Variants in SEZ6L2 observed in about 807,000 individuals in gnomAD.
SEZ6L2 encodes seizure related 6 homolog like 2.
A neutral mutation model predicts 97.0 loss-of-function variants in SEZ6L2; 44 were observed. That is an observed-to-expected ratio of 0.45 (90% CI 0.36 to 0.58). SEZ6L2 has a LOEUF of 0.58. Ranked by LOEUF, SEZ6L2 falls within the 20% of genes least tolerant of loss-of-function variation. The pLI is 0.00. For synonymous variants in SEZ6L2, 543 were observed against 546.1 expected, an observed-to-expected ratio of 0.99 and a Z score of 0.08; for missense variants, 1,086 against 1,233.3, an observed-to-expected ratio of 0.88 and a Z score of 1.79.
chr16:29,872,817 G>T, intron 14 of SEZ6L2, 74 bp from the exon 15 acceptor site: 1 of 1,268,382 alleles, frequency 7.9e-7, no homozygotes, highest in Non-Finnish European at 1.1e-6. Context: ...CCGGGAGCCC[G>T]GTGGGGCTGG....
chr16:29,874,874 A>G (rs1048499756), intron 12 of SEZ6L2, among the ~76,000 whole-genome samples: 22 of 151,616 alleles, frequency 1.5e-4, no homozygotes, highest in African/African-American at 5.1e-4. Flanking sequence ...GCTGGCCCCA[A>G]ATATAATTCT....
Position 29,872,394 on chromosome 16 carries a change from A to G in SEZ6L2, c.2645+15T>C, listed in dbSNP as rs1464245766. 1.9e-6 allele frequency: 3 copies of G among 1,612,810 alleles called. No homozygotes were observed. Among genetic ancestry groups the G allele is most frequent in the African/African-American group, 1.3e-5 (1 of 75,014 alleles). The stretch of plus-strand genomic sequence containing the variant: ...ACGTCTGCCCTGGCCGGCAGTCCCC[A>G]AGCAGGCTACTTACTTGGTGTAGTA... On this transcript the variant is annotated intron_variant, in intron 16 of 17. Transcript: ENST00000617533.
chr16:29,871,495 A>G lies in SEZ6L2; in HGVS notation c.*204T>C, dbSNP rs905680582. The G allele has an allele frequency of 3.2e-6, 2 of 626,210 alleles. No homozygotes were observed. The highest frequency in any genetic ancestry group is 5.3e-5 in the Admixed American group (2 of 38,084). 38.8% of individuals were successfully genotyped at this position (626,210 alleles called of 1,614,324 possible). On this transcript the variant is annotated 3_prime_UTR_variant, in exon 18 of 18. Transcript: ENST00000617533. ...GGGCAGGCCCCTCGTTTGGCAACTG[A>G]GAAGAGGCGGCTTTGGGCGGCAGGA...
Position 29,880,010 on chromosome 16 carries a change from G to A in SEZ6L2, c.1427C>T (p.Thr476Ile). The A allele has an allele frequency of 6.2e-7, 1 of 1,614,188 alleles. No individual in the cohort carries two copies. Among genetic ancestry groups the A allele is most frequent in the Non-Finnish European group, 8.5e-7 (1 of 1,180,032 alleles). ...APFLAHGNVT[T>I]TDPEYRPGAL... ...CCCTGGGCGATACTCAGGGTCCGTG[G>A]TAGTGACATTTCCATGTGCCAGGAA... The change falls in exon 9 of 18, where the codon ACC (threonine) becomes ATC (isoleucine). Residue 476 changes from threonine (T) to isoleucine (I), a missense_variant. Physicochemically the swap from Thr to Ile is moderately conservative, Grantham distance 89. Around this residue, in one of 2 missense-constraint regions of SEZ6L2, gnomAD observed 776 missense variants for 794.7 expected, o/e 0.98. Coordinates refer to ENST00000617533, the MANE Select transcript of SEZ6L2 (RefSeq NM_001243332.2).
chr16:29,875,517 C>T (rs960394886), intron 12 of SEZ6L2, among the ~76,000 whole-genome samples: 3 of 152,162 alleles, frequency 2.0e-5, no homozygotes, highest in African/African-American at 7.2e-5. Flanking sequence ...CTACCTGAAG[C>T]TTCTCCCCTT....
chr16:29,877,592 T>C, intron 10 of SEZ6L2, 125 bp from the exon 11 acceptor site: 1 of 900,270 alleles, frequency 1.1e-6, no homozygotes, highest in Non-Finnish European at 1.6e-6. Flanking sequence ...CATATTCTCC[T>C]ATCCCAGGTC....
At chr16:29,898,114 G>T in intron 1 of SEZ6L2, 130 bp from the exon 2 acceptor site, 1 of 1,342,576 alleles carries the variant, frequency 7.4e-7, no homozygotes, top group Non-Finnish European at 1.0e-6. Flanking sequence ...TCCCAGGCTC[G>T]ACTGAGGGCC....
chr16:29,890,947 A>G (rs1254234959), intron 5 of SEZ6L2, among the ~76,000 whole-genome samples: 1 of 148,248 alleles, frequency 6.7e-6, no homozygotes, highest in East Asian at 2.0e-4. Flanking sequence ...TTATTTTATT[A>G]TTATTATTTT....
At chr16:29,898,076 TCAGCTGGGC>T in intron 1 of SEZ6L2, 92 bp from the exon 2 acceptor site, 1 of 1,560,782 alleles carries the variant, frequency 6.4e-7, no homozygotes, top group Non-Finnish European at 8.7e-7. Flanking sequence ...CCCTCCTCCA[TCAGCTGGGC>T]CTGCAGGGGC....
intron 8 of SEZ6L2, among the ~76,000 whole-genome samples, chr16:29,881,226 T>C (rs1241704917): frequency 6.6e-6 from 1 of 152,152 alleles, no homozygotes; most frequent in Non-Finnish European, 1.5e-5. Context: ...GCCACCATTC[T>C]ACAGAGCGGA....
In SEZ6L2 at chr16:29,877,506, A is replaced by G. The variant is rs779696604; in HGVS notation, c.1713-39T>C. The G allele has an allele frequency of 3.3e-6, 5 of 1,528,080 alleles. No individual in the cohort carries two copies. The Admixed American group carries it at 9.5e-5, about 29-fold the overall frequency. 94.7% of individuals were successfully genotyped at this position (1,528,080 alleles called of 1,614,324 possible). A position where few individuals can be genotyped will look rare whatever the true frequency, so the allele number is the denominator to read the frequency against. ...GACCAGGCAATGGGGCGGGGCTGCG[A>G]CTGGCCCCTCCCATCCAGCTCTGCC... On this transcript the variant is annotated intron_variant, in intron 10 of 17. Transcript: ENST00000617533.
At chr16:29,884,259 CAGGAAATATATG>C (rs2068086415) in intron 8 of SEZ6L2, among the ~76,000 whole-genome samples, 1 of 152,122 alleles carries the variant, frequency 6.6e-6, no homozygotes, top group Non-Finnish European at 1.5e-5. Flanking sequence ...GCTGAGCTCT[CAGGAAATATATG>C]AGTGTTCTCT....
chr16:29,897,703 C>T (rs2068435424), intron 2 of SEZ6L2, 150 bp downstream of exon 2: 8 of 948,300 alleles, frequency 8.4e-6, no homozygotes, highest in Admixed American at 2.7e-5. Context: ...CTGACAGTCT[C>T]GTTCTGTGTT....
At chr16:29,872,860 C>T (rs1343778084) in intron 14 of SEZ6L2, 117 bp from the exon 15 acceptor site, 1 of 796,844 alleles carries the variant, frequency 1.3e-6, no homozygotes, top group Non-Finnish European at 2.0e-6. Flanking sequence ...GCCCTCTGCT[C>T]AACCTCAACT....
intron 8 of SEZ6L2, among the ~76,000 whole-genome samples, chr16:29,884,048 G>A (rs909141336): frequency 6.6e-6 from 1 of 151,758 alleles, no homozygotes; most frequent in Non-Finnish European, 1.5e-5. Context: ...TCTTCTTCTG[G>A]TAACGGCATC....
Position 29,871,575 on chromosome 16 carries a change from A to C in SEZ6L2, c.*124T>G. The C allele has an allele frequency of 1.1e-6, 1 of 942,590 alleles. No individual in the cohort carries two copies. Among genetic ancestry groups the C allele is most frequent in the South Asian group, 1.4e-5 (1 of 71,842 alleles). The allele number at this position is 942,590 out of a possible 1,614,324, so 58.4% of individuals were successfully genotyped here. A position where few individuals can be genotyped will look rare whatever the true frequency, so the allele number is the denominator to read the frequency against. Reference sequence around the variant, plus strand: ...GGCCATCAAAGCCCCCTCGTGGGATAGGGAGACTATTTACACAGCCAGGGA... The same window carrying C: ...GGCCATCAAAGCCCCCTCGTGGGATCGGGAGACTATTTACACAGCCAGGGA... On this transcript the variant is annotated 3_prime_UTR_variant, in exon 18 of 18. Transcript: ENST00000617533.
chr16:29,875,054 T>A (rs2067874691), intron 12 of SEZ6L2, among the ~76,000 whole-genome samples: 1 of 152,160 alleles, frequency 6.6e-6, no homozygotes, highest in African/African-American at 2.4e-5. Flanking sequence ...TTTTTATTAT[T>A]TGTAGAGACA....
intron 12 of SEZ6L2, among the ~76,000 whole-genome samples, chr16:29,874,049 C>T (rs1567410323): frequency 6.6e-6 from 1 of 152,118 alleles, no homozygotes; most frequent in South Asian, 2.1e-4. Flanking sequence ...CTCTGAACAC[C>T]TCTGCACACA....
At position 29,873,615 on chromosome 16, in the gene SEZ6L2, T is replaced by G; in HGVS notation, c.2219A>C (p.Glu740Ala). The change falls in exon 13 of 18, where the codon GAG becomes GCG. Residue 740 changes from glutamate (E) to alanine (A), a missense_variant. Around this residue, in one of 2 missense-constraint regions of SEZ6L2, gnomAD observed 310 missense variants for 438.6 expected, o/e 0.71. Coordinates refer to ENST00000617533, the MANE Select transcript of SEZ6L2 (RefSeq NM_001243332.2). The surrounding 1 kb of genome is among the most constrained non-coding windows in gnomAD (Gnocchi z 4.3). The stretch of plus-strand genomic sequence containing the variant: ...GTAGCAGGTGAGCATGGCTGCCCCC[T>G]CGAGGCTGTACCCTGGCAGGCAGCG... The part of the protein sequence containing the change: ...QYRCLPGYSL[E>A]GAAMLTCYSR... The G allele has an allele frequency of 6.2e-7, 1 of 1,614,034 alleles. No individual in the cohort carries two copies. The highest frequency in any genetic ancestry group is 1.1e-5 in the South Asian group (1 of 91,088).
Sources: allele counts gnomAD v4.1 joint callset (sites outside exome capture counted in the v4.1 genomes callset), GRCh38; gene constraint gnomAD v4.1.1; regional missense constraint gnomAD v4.1.1; non-coding constraint Gnocchi (gnomAD v3.1); transcripts MANE v1.5; gene names NCBI Gene and HGNC (gene_info 2026-07-23, HGNC 2026-07-21).